Variants in ADAMTS12 observed in about 807,000 individuals in gnomAD.
ADAMTS12 encodes the protein A disintegrin and metalloproteinase with thrombospondin motifs 12.
ADAMTS12 carries 118 observed loss-of-function variants against 167.8 expected under a neutral mutation model. The observed-to-expected ratio is 0.70, with a 90% confidence interval of 0.61 to 0.82. The LOEUF is 0.82. ADAMTS12 is among the 40% of genes least tolerant of loss of function. The probability of loss-of-function intolerance (pLI) is 0.00; values close to 1 mark genes in which losing one functional copy is unlikely to be tolerated. For synonymous variants in ADAMTS12, 704 were observed against 716.9 expected, an observed-to-expected ratio of 0.98 and a Z score of 0.29; for missense variants, 1,916 against 1,998.8, an observed-to-expected ratio of 0.96 and a Z score of 0.79.
intron 5 of ADAMTS12, among the ~76,000 whole-genome samples, chr5:33,676,525 TA>T (rs11326695): frequency 0.083 from 12,335 of 148,738 alleles, 1,007 homozygotes; most frequent in East Asian, 0.3. Context: ...ACCCCATCTT[TA>T]AAAAAAAAAT....
At position 33,525,875 on chromosome 5, in the gene ADAMTS12, A is replaced by G. The variant is rs1218538036; in HGVS notation, c.*1313T>C. On this transcript the variant is annotated 3_prime_UTR_variant, in exon 24 of 24. Coordinates refer to ENST00000504830, the MANE Select transcript of ADAMTS12 (RefSeq NM_030955.4). ...AGTTCATGTAAGTACCTTCCCTTAG[A>G]AATCACTTTGTCTAGAAATTTGCTC... 6.6e-6 allele frequency: 1 copy of G among 152,128 alleles called. No individual in the cohort carries two copies. Among genetic ancestry groups the G allele is most frequent in the Non-Finnish European group, 1.5e-5 (1 of 68,030 alleles). 9.4% of individuals were successfully genotyped at this position (152,128 alleles called of 1,614,324 possible).
At chr5:33,546,237 C>T in intron 21 of ADAMTS12, 35 bp from the exon 22 acceptor site, 1 of 1,580,404 alleles carries the variant, frequency 6.3e-7, no homozygotes, top group East Asian at 2.3e-5. Context: ...AGGTAAAAGT[C>T]AGGTGGAGAC....
intron 2 of ADAMTS12, among the ~76,000 whole-genome samples, chr5:33,821,536 T>A (rs1156946637): frequency 1.3e-5 from 2 of 152,208 alleles, no homozygotes; most frequent in African/African-American, 4.8e-5. Flanking sequence ...AAATTTTTAT[T>A]TTGATCTGCA....
chr5:33,703,069 T>A (rs1251038050), intron 3 of ADAMTS12, among the ~76,000 whole-genome samples: 1 of 152,192 alleles, frequency 6.6e-6, no homozygotes, highest in Non-Finnish European at 1.5e-5. Context: ...TTGATATGCA[T>A]CACGTGACTA....
chr5:33,666,843 TTACTC>T (rs1393089033), intron 5 of ADAMTS12, among the ~76,000 whole-genome samples: 1 of 152,176 alleles, frequency 6.6e-6, no homozygotes, highest in Non-Finnish European at 1.5e-5. Flanking sequence ...TTAGGTGTGT[TTACTC>T]TATAACAGAT....
chr5:33,612,466 G>C (rs917752171), intron 16 of ADAMTS12, among the ~76,000 whole-genome samples: 2 of 152,190 alleles, frequency 1.3e-5, no homozygotes, highest in Non-Finnish European at 2.9e-5. Flanking sequence ...TCTTGAAACA[G>C]AAGTGAGTGG....
chr5:33,660,656 C>T (rs931695881), intron 6 of ADAMTS12, among the ~76,000 whole-genome samples: 2 of 152,154 alleles, frequency 1.3e-5, no homozygotes, highest in Non-Finnish European at 2.9e-5. Context: ...GAAGCCTTCA[C>T]CTGGCCTCTT....
At chr5:33,838,572 A>G (rs887653448) in intron 2 of ADAMTS12, among the ~76,000 whole-genome samples, 1 of 152,050 alleles carries the variant, frequency 6.6e-6, no homozygotes, top group African/African-American at 2.4e-5. Flanking sequence ...AGTCCCAGCT[A>G]TGTGGAGGCT....
intron 22 of ADAMTS12, among the ~76,000 whole-genome samples, chr5:33,542,919 C>A (rs891423188): frequency 6.6e-6 from 1 of 152,066 alleles, no homozygotes; most frequent in African/African-American, 2.4e-5. Flanking sequence ...CAGGAAAGAT[C>A]TAAAATCGAC....
At chr5:33,644,165 T>C (rs1241144777) in intron 9 of ADAMTS12, among the ~76,000 whole-genome samples, 1 of 152,236 alleles carries the variant, frequency 6.6e-6, no homozygotes, top group Non-Finnish European at 1.5e-5. Flanking sequence ...TGACTTGATA[T>C]TTTAAGCCAT....
At chr5:33,885,463 C>T (rs1268343410) in intron 1 of ADAMTS12, among the ~76,000 whole-genome samples, 3 of 151,622 alleles carry the variant, frequency 2.0e-5, no homozygotes, top group Non-Finnish European at 2.9e-5. Context: ...AGTAAGACTC[C>T]GTCTCAAAAT....
chr5:33,820,323 C>G (rs538976263), intron 2 of ADAMTS12, among the ~76,000 whole-genome samples: 3 of 152,160 alleles, frequency 2.0e-5, no homozygotes, highest in Non-Finnish European at 4.4e-5. Context: ...AAACTGCCAA[C>G]AATAATCAAG....
chr5:33,574,226 A>T (rs946339640), intron 19 of ADAMTS12, among the ~76,000 whole-genome samples: 2 of 151,998 alleles, frequency 1.3e-5, no homozygotes, highest in African/African-American at 4.8e-5. Flanking sequence ...ATACCATTTG[A>T]CCCAGCAATC....
intron 3 of ADAMTS12, among the ~76,000 whole-genome samples, chr5:33,718,940 C>T (rs890864054): frequency 2.6e-5 from 4 of 152,196 alleles, no homozygotes; most frequent in South Asian, 2.1e-4. Context: ...TTGTGTTAAA[C>T]GCCAGGAAGC....
chr5:33,779,602 A>G (rs1430209405), intron 2 of ADAMTS12, among the ~76,000 whole-genome samples: 2 of 152,214 alleles, frequency 1.3e-5, no homozygotes, highest in Non-Finnish European at 2.9e-5. Context: ...GATAAAGAAA[A>G]TGTAGTGTAT....
At chr5:33,659,296 C>T (rs1037939948) in intron 6 of ADAMTS12, among the ~76,000 whole-genome samples, 4 of 152,248 alleles carry the variant, frequency 2.6e-5, no homozygotes, top group African/African-American at 9.6e-5. Flanking sequence ...AACTCAAATC[C>T]GCACTCTCAC....
rs62351122 is a variant in ADAMTS12, at chr5:33,574,307, G to T, written c.3972+1747C>A. 3.4e-4 allele frequency among the ~76,000 whole-genome samples: 51 copies of T among 151,992 alleles called. 3 individuals carry two copies. The South Asian group carries it at 4.6e-3, about 14-fold the overall frequency. ...AAAGACACATGCACACGTATGTTTA[G>T]TGCGGCACTATTCACAATAGCAAAG... On this transcript the variant is annotated intron_variant, in intron 19 of 23. Transcript: ENST00000504830.
chr5:33,695,077 C>A (rs10064522), intron 3 of ADAMTS12, among the ~76,000 whole-genome samples: 6,750 of 152,238 alleles, frequency 0.044, 306 homozygotes, highest in East Asian at 0.17. Flanking sequence ...GAGTCAAGCA[C>A]CATACTTGCC....
At chr5:33,532,821 G>T (rs1301741102) in intron 23 of ADAMTS12, among the ~76,000 whole-genome samples, 2 of 152,070 alleles carry the variant, frequency 1.3e-5, no homozygotes, top group Non-Finnish European at 2.9e-5. Flanking sequence ...ATATACTTAG[G>T]AGTATGTTAT....
Sources: gnomAD v4.1 joint callset for allele counts (sites outside exome capture counted in the v4.1 genomes callset) on GRCh38, gnomAD v4.1.1 for gene constraint, MANE v1.5 for transcripts, NCBI Gene and HGNC (gene_info 2026-07-23, HGNC 2026-07-21) for gene names.